PBX1: variants seen among roughly 807,000 people sequenced by gnomAD.
PBX1 encodes pre-B-cell leukemia transcription factor 1.
PBX1 carries 6 observed loss-of-function variants against 53.4 expected under a neutral mutation model. The observed-to-expected ratio is 0.11, with a 90% CI of 0.06 to 0.22. PBX1 has a LOEUF of 0.22. Among genes scored for constraint, PBX1 ranks in the 10% least tolerant of loss-of-function variants. The pLI is 1.00. For synonymous variants in PBX1, 204 were observed against 212.3 expected (o/e 0.96, Z 0.34); for missense variants, 251 against 551.4 (o/e 0.46, Z 5.46).
At chr1:164,834,495 C>T (rs1019022915) in intron 8 of PBX1, among the ~76,000 whole-genome samples, 47 of 152,032 alleles carry the variant, frequency 3.1e-4, no homozygotes, top group Admixed American at 2.9e-3. Flanking sequence ...AGGCATGCCC[C>T]ACCACGCCTG....
intron 2 of PBX1, among the ~76,000 whole-genome samples, chr1:164,600,246 CTTTTTT>C (rs71097539): frequency 8.2e-6 from 1 of 121,818 alleles, no homozygotes; most frequent in Non-Finnish European, 1.7e-5. Flanking sequence ...TATGCTGCTG[CTTTTTT>C]TTTTTTTTTT....
At chr1:164,866,316 A>G (rs1424704504) in intron 2 of PBX1, among the ~76,000 whole-genome samples, 1 of 152,256 alleles carries the variant, frequency 6.6e-6, no homozygotes, top group Non-Finnish European at 1.5e-5. Flanking sequence ...TTCATCTGCC[A>G]GTGGGCAACC....
chr1:164,782,642 T>C (rs1317990998), intron 2 of PBX1, among the ~76,000 whole-genome samples: 1 of 152,242 alleles, frequency 6.6e-6, no homozygotes. Context: ...AACTTAGTTC[T>C]GATGAAATTG....
chr1:164,880,783 C>T (rs907382536), intron 2 of PBX1, among the ~76,000 whole-genome samples: 10 of 152,164 alleles, frequency 6.6e-5, no homozygotes, highest in African/African-American at 2.4e-4. Context: ...TCTGTACATA[C>T]CAGAGAGCAC....
intron 2 of PBX1, among the ~76,000 whole-genome samples, chr1:164,671,630 C>A (rs1661117027): frequency 6.6e-6 from 1 of 152,126 alleles, no homozygotes; most frequent in Admixed American, 6.5e-5. Context: ...CCTTTGCTCT[C>A]TCCTCCTCAT....
chr1:164,599,544 G>A (rs1451808110), intron 2 of PBX1, among the ~76,000 whole-genome samples: 1 of 152,126 alleles, frequency 6.6e-6, no homozygotes, highest in African/African-American at 2.4e-5. Flanking sequence ...TGAGGGTTGA[G>A]ACTTGTTATA....
intron 2 of PBX1, among the ~76,000 whole-genome samples, chr1:164,768,722 A>T (rs1009618024): frequency 3.9e-5 from 6 of 152,162 alleles, no homozygotes; most frequent in African/African-American, 1.4e-4. Flanking sequence ...TCTCCCCACC[A>T]TGGACCTGGA....
chr1:164,808,413 C>T (rs928036965), intron 5 of PBX1, among the ~76,000 whole-genome samples: 3 of 152,174 alleles, frequency 2.0e-5, no homozygotes, highest in African/African-American at 7.2e-5. Context: ...TCAGTCTGAA[C>T]CTCAAATACC....
intron 8 of PBX1, among the ~76,000 whole-genome samples, chr1:164,845,608 A>G (rs928837131): frequency 1.3e-5 from 2 of 152,220 alleles, no homozygotes; most frequent in Non-Finnish European, 2.9e-5. Flanking sequence ...TAACCACTAT[A>G]GCAAAGCATT....
intron 2 of PBX1, among the ~76,000 whole-genome samples, chr1:164,607,849 G>A (rs1289833250): frequency 1.3e-5 from 2 of 152,150 alleles, no homozygotes; most frequent in Non-Finnish European, 2.9e-5. Flanking sequence ...GAGAACTATA[G>A]GTTCATCCGC....
intron 2 of PBX1, among the ~76,000 whole-genome samples, chr1:164,695,571 T>C (rs1168353176): frequency 6.6e-6 from 1 of 152,234 alleles, no homozygotes; most frequent in Non-Finnish European, 1.5e-5. Flanking sequence ...TCTTCCTTTG[T>C]ATCCACTTTG....
At chr1:164,666,838 A>G (rs184753151) in intron 2 of PBX1, among the ~76,000 whole-genome samples, 1 of 152,302 alleles carries the variant, frequency 6.6e-6, no homozygotes, top group East Asian at 1.9e-4. Flanking sequence ...AGTCCTAATT[A>G]TGTGCTGAGG....
intron 2 of PBX1, among the ~76,000 whole-genome samples, chr1:164,577,733 T>A (rs1654350146): frequency 6.6e-6 from 1 of 152,180 alleles, no homozygotes; most frequent in Non-Finnish European, 1.5e-5. Flanking sequence ...GTCAGGAAGG[T>A]TGAATTCCCT....
chr1:164,801,749 C>T (rs1286391601), intron 4 of PBX1, among the ~76,000 whole-genome samples: 1 of 152,146 alleles, frequency 6.6e-6, no homozygotes, highest in Non-Finnish European at 1.5e-5. Flanking sequence ...GCTTCTGAGC[C>T]AAGATTCAAA....
chr1:164,760,658 T>C (rs1449176553), intron 2 of PBX1, among the ~76,000 whole-genome samples: 1 of 152,246 alleles, frequency 6.6e-6, no homozygotes, highest in Non-Finnish European at 1.5e-5. Context: ...CCTGTCATTA[T>C]GTGAGGTGGC....
intron 8 of PBX1, among the ~76,000 whole-genome samples, chr1:164,840,861 A>G (rs1571509880): frequency 6.6e-6 from 1 of 152,096 alleles, no homozygotes; most frequent in Non-Finnish European, 1.5e-5. Context: ...CTATTTACAT[A>G]TAGTTGGAAT....
chr1:164,762,451 T>C (rs1571356315), intron 2 of PBX1, among the ~76,000 whole-genome samples: 1 of 152,332 alleles, frequency 6.6e-6, no homozygotes, highest in East Asian at 1.9e-4. Flanking sequence ...ACCTAAAACA[T>C]AGAGCCAAGT....
At chr1:164,620,995 T>A (rs938534594) in intron 2 of PBX1, among the ~76,000 whole-genome samples, 2 of 150,992 alleles carry the variant, frequency 1.3e-5, no homozygotes, top group Admixed American at 1.3e-4. Context: ...AAAAAAAAAT[T>A]AATTAATTTT....
At position 164,838,090 on chromosome 1, in the gene PBX1, A is replaced by G. The variant is rs370279727; in HGVS notation, c.1201-8494A>G. The stretch of plus-strand genomic sequence containing the variant: ...CATTAGGATGTTGGCAGGAGGGCAC[A>G]CTATGATGGTGCTACAGTTGATGGA... On this transcript the variant is annotated intron_variant, in intron 8 of 8. Coordinates refer to ENST00000420696, the MANE Select transcript of PBX1 (RefSeq NM_002585.4). Among the ~76,000 whole-genome samples the G allele has an allele frequency of 1.8e-3, 280 of 152,332 alleles. 8 individuals carry two copies. The South Asian group carries it at 0.046, about 25-fold the overall frequency.
Sources: gnomAD v4.1 joint callset for allele counts (sites outside exome capture counted in the v4.1 genomes callset) on GRCh38, gnomAD v4.1.1 for gene constraint, MANE v1.5 for transcripts, NCBI Gene and HGNC (gene_info 2026-07-23, HGNC 2026-07-21) for gene names.